PC: variants seen among roughly 807,000 people sequenced by gnomAD.
The protein encoded by PC is pyruvate carboxylase.
Under a neutral mutation model 107.8 loss-of-function variants are expected in PC, and 46 were observed. That is an observed-to-expected ratio of 0.43 (90% CI 0.34 to 0.55). The LOEUF (loss-of-function observed/expected upper bound fraction) is 0.55. Ranked by LOEUF, PC falls within the 20% of genes least tolerant of loss-of-function variation. The pLI is 0.04. For synonymous variants in PC, 662 were observed against 684.7 expected (o/e 0.97, Z 0.52); for missense variants, 1,241 against 1,643.1 (o/e 0.76, Z 4.23).
rs200699743 is a variant in PC at position 66,871,412 on chromosome 11, G to A, written c.390C>T (p.Ala130=). The change falls in exon 6 of 23, where the codon GCC becomes GCT. Residue 130 remains alanine (A), a synonymous_variant. Transcript: ENST00000393960. This position sits in a 1 kb window ranked among gnomAD's most constrained non-coding sequence, Gnocchi z 7.4. ...TAAACCGGACCCCTGCATCCTGGCA[G>A]GCCTGGGCGAAGTCCGCTCGCTCAG... ...FLSERADFAQ[A]CQDAGVRFIG... The A allele has an allele frequency of 6.2e-7, 1 of 1,613,682 alleles. No individual in the cohort carries two copies. The highest frequency in any genetic ancestry group is 1.3e-5 in the African/African-American group (1 of 75,074).
chr11:66,888,795 G>C (rs1947462875), intron 3 of PC, among the ~76,000 whole-genome samples: 1 of 152,152 alleles, frequency 6.6e-6, no homozygotes, highest in African/African-American at 2.4e-5. Flanking sequence ...TAAAATCTTG[G>C]CTGGGTGCAG....
At chr11:66,917,736 C>A (rs1948497080) in intron 3 of PC, among the ~76,000 whole-genome samples, 1 of 152,180 alleles carries the variant, frequency 6.6e-6, no homozygotes, top group Admixed American at 6.5e-5. Flanking sequence ...GGGAAAGGGT[C>A]TGGAAAACTC....
intron 3 of PC, among the ~76,000 whole-genome samples, chr11:66,907,101 T>A (rs181318097): frequency 6.6e-6 from 1 of 152,332 alleles, no homozygotes; most frequent in East Asian, 1.9e-4. Context: ...GGCCTCCCCA[T>A]GACCACTGGC....
chr11:66,929,848 G>A (rs1948804950), intron 3 of PC, among the ~76,000 whole-genome samples: 1 of 152,096 alleles, frequency 6.6e-6, no homozygotes, highest in Non-Finnish European at 1.5e-5. Flanking sequence ...GCATAGGCAA[G>A]CTGGCAAGAA....
intron 3 of PC, among the ~76,000 whole-genome samples, chr11:66,948,770 G>A (rs1475992566): frequency 2.0e-5 from 3 of 152,006 alleles, no homozygotes; most frequent in Non-Finnish European, 4.4e-5. Context: ...AGCCTAGGAG[G>A]TAGAGGTTGC....
chr11:66,859,081 C>A lies in PC; in HGVS notation c.1368+4693G>T, dbSNP rs775955953. 2.7e-6 allele frequency: 4 copies of A among 1,488,434 alleles called. No homozygotes were observed. The highest frequency in any genetic ancestry group is 3.6e-6 in the Non-Finnish European group (4 of 1,119,550). 92.2% of individuals were successfully genotyped at this position (1,488,434 alleles called of 1,614,324 possible). A position where few individuals can be genotyped will look rare whatever the true frequency, so the allele number is the denominator to read the frequency against. ...CAGTACAACAGCAGCGAAGATGAGA[C>A]CCTCATCTACCGGTGAGGATGCGTG... On this transcript the variant is annotated intron_variant, in intron 12 of 22. Coordinates refer to ENST00000393960, the MANE Select transcript of PC (RefSeq NM_001040716.2).
intron 12 of PC, among the ~76,000 whole-genome samples, chr11:66,855,666 C>T (rs890523902): frequency 6.6e-6 from 1 of 152,192 alleles, no homozygotes; most frequent in Non-Finnish European, 1.5e-5. Context: ...CAGAGTTGAC[C>T]TGCACCAGGA....
intron 3 of PC, among the ~76,000 whole-genome samples, chr11:66,905,952 A>G (rs1485608397): frequency 6.6e-6 from 1 of 151,878 alleles, no homozygotes; most frequent in Non-Finnish European, 1.5e-5. Flanking sequence ...GGAGAAACTG[A>G]GGCAGGAATG....
chr11:66,870,756 G>A lies in PC; in HGVS notation c.751+19C>T, dbSNP rs1467197836. 1.9e-6 allele frequency: 3 copies of A among 1,601,558 alleles called. No homozygotes were observed. Among genetic ancestry groups the A allele is most frequent in the South Asian group, 1.1e-5 (1 of 90,894 alleles). On this transcript the variant is annotated intron_variant, in intron 8 of 22. Coordinates refer to ENST00000393960, the MANE Select transcript of PC (RefSeq NM_001040716.2). The surrounding 1 kb of genome is among the most constrained non-coding windows in gnomAD (Gnocchi z 6.1). ...CTCCCGCCTCCAGCTGCCCCAGGCGGGGCGTCAGGACCACTCACCCAAGAT... is the reference window on the plus strand; with the variant it reads ...CTCCCGCCTCCAGCTGCCCCAGGCGAGGCGTCAGGACCACTCACCCAAGAT...
At chr11:66,919,883 T>C (rs1286473287) in intron 3 of PC, 1 of 152,166 alleles carries the variant, frequency 6.6e-6, no homozygotes, top group Non-Finnish European at 1.5e-5. Flanking sequence ...AGAGATGCTG[T>C]ATCACTCAAG....
In PC at chr11:66,870,307, T is replaced by C; in HGVS notation, c.898A>G (p.Lys300Glu). The C allele has an allele frequency of 6.2e-7, 1 of 1,613,172 alleles. No homozygotes were observed. Residue 300 changes from lysine (K) to glutamate (E), a missense_variant, in exon 9 of 23, where the codon AAA (lysine) becomes GAA (glutamate). Transcript: ENST00000393960. This position sits in a 1 kb window ranked among gnomAD's most constrained non-coding sequence, Gnocchi z 6.1. ...RLTSDSVKLA[K>E]QVGYENAGTV... is the part of the protein sequence containing the mutation. Reference sequence around the variant, plus strand: ...ACGGGAAGCCCACCCTTCACCTGTTTAGCGAGTTTCACAGAGTCGCTGGTG... The same window carrying C: ...ACGGGAAGCCCACCCTTCACCTGTTCAGCGAGTTTCACAGAGTCGCTGGTG...
intron 3 of PC, among the ~76,000 whole-genome samples, chr11:66,934,893 C>T (rs1413943400): frequency 6.6e-6 from 1 of 152,218 alleles, no homozygotes; most frequent in Non-Finnish European, 1.5e-5. Flanking sequence ...GTGTGAACAA[C>T]CGCGCCCAGC....
intron 3 of PC, chr11:66,934,407 T>G (rs183708243): frequency 6.5e-6 from 1 of 153,986 alleles, no homozygotes; most frequent in Admixed American, 6.5e-5. Flanking sequence ...GCATTTGATC[T>G]CTACCCAACA....
At chr11:66,879,203 G>A (rs989803320) in intron 3 of PC, among the ~76,000 whole-genome samples, 5 of 152,304 alleles carry the variant, frequency 3.3e-5, no homozygotes, top group Middle Eastern at 3.4e-3. Flanking sequence ...AGGCCAGGCC[G>A]TCCTGGGGTG....
rs781571109 is a variant in PC, at chr11:66,849,139, G to A, written c.3297C>T (p.His1099=). Residue 1099 remains histidine, a synonymous_variant, in exon 23 of 23, where the codon CAC becomes CAT. Transcript: ENST00000393960. ...CGTCCTTTAGGGCCTTGGGGTGGAAGTGCATCTCCTGAAGACACAGGGCAG... is the reference window on the plus strand; with the variant it reads ...CGTCCTTTAGGGCCTTGGGGTGGAAATGCATCTCCTGAAGACACAGGGCAG... ...VKDTQAMKEM[H]FHPKALKDVK... The A allele has an allele frequency of 6.2e-6, 10 of 1,613,996 alleles. No individual in the cohort carries two copies. The highest frequency in any genetic ancestry group is 1.1e-5 in the South Asian group (1 of 91,088).
chr11:66,957,183 G>A (rs543639609), intron 1 of PC, among the ~76,000 whole-genome samples: 2 of 152,338 alleles, frequency 1.3e-5, no homozygotes, highest in East Asian at 3.9e-4. Context: ...GTGGGTACGG[G>A]AGCAATAGGG....
chr11:66,878,072 A>C (rs890519590), intron 3 of PC, among the ~76,000 whole-genome samples: 2 of 152,116 alleles, frequency 1.3e-5, no homozygotes, highest in Non-Finnish European at 2.9e-5. Context: ...AGGCGAAGGG[A>C]GCTCCTGCTA....
At chr11:66,859,181 T>C (rs867320919) in intron 12 of PC, 1 of 1,400,252 alleles carries the variant, frequency 7.1e-7, no homozygotes, top group South Asian at 1.6e-5. Context: ...CCACCCCTCC[T>C]CTCTCTGGGG....
intron 3 of PC, among the ~76,000 whole-genome samples, chr11:66,930,063 C>A (rs1948809242): frequency 6.6e-6 from 1 of 152,086 alleles, no homozygotes; most frequent in Non-Finnish European, 1.5e-5. Flanking sequence ...GTTGGGACTT[C>A]CAAAGGATAC....
Sources: allele counts gnomAD v4.1 joint callset (sites outside exome capture counted in the v4.1 genomes callset), GRCh38; gene constraint gnomAD v4.1.1; non-coding constraint Gnocchi (gnomAD v3.1); transcripts MANE v1.5; gene names NCBI Gene and HGNC (gene_info 2026-07-23, HGNC 2026-07-21).